Variants in HORMAD2 observed in about 807,000 individuals in gnomAD.
HORMAD2 encodes HORMA domain-containing protein 2.
In HORMAD2, 45 loss-of-function variants were observed where a neutral mutation model predicts 38.8. The ratio of observed to expected loss-of-function variants is 1.16; its 90% confidence interval spans 0.91 to 1.49. The LOEUF (loss-of-function observed/expected upper bound fraction) is 1.49. Among genes scored for constraint, HORMAD2 ranks in the 40% most tolerant of loss-of-function variants. HORMAD2 has a pLI of 0.00. For synonymous variants in HORMAD2, 126 were observed against 122.8 expected, an observed-to-expected ratio of 1.03 and a Z score of -0.17; for missense variants, 338 against 367.0, an observed-to-expected ratio of 0.92 and a Z score of 0.65.
intron 10 of HORMAD2, among the ~76,000 whole-genome samples, chr22:30,130,613 CAGGGTCTCA>C (rs1923214331): frequency 9.1e-6 from 1 of 110,250 alleles, no homozygotes; most frequent in African/African-American, 3.3e-5. Flanking sequence ...TTTTTTGAGA[CAGGGTCTCA>C]CTCTGTCACC....
At chr22:30,188,280 G>T in the HORMAD2 span, among the ~76,000 whole-genome samples, 1 of 152,056 alleles carries the variant, frequency 6.6e-6, no homozygotes, top group Non-Finnish European at 1.5e-5. Flanking sequence ...AAGGAAATTG[G>T]CTTGAAAAGA....
chr22:30,157,680 CA>C (rs1925167144), intron 10 of HORMAD2, among the ~76,000 whole-genome samples: 1 of 152,158 alleles, frequency 6.6e-6, no homozygotes, highest in Admixed American at 6.5e-5. Context: ...CAAGCATGTT[CA>C]AGCATATTTC....
intron 10 of HORMAD2, among the ~76,000 whole-genome samples, chr22:30,155,408 A>T (rs575709614): frequency 9.9e-5 from 15 of 152,206 alleles, no homozygotes; most frequent in Admixed American, 2.6e-4. Context: ...TTTGATGCTC[A>T]TATTCTCTAA....
chr22:30,118,112 C>A (rs1012755948), intron 7 of HORMAD2, among the ~76,000 whole-genome samples: 2 of 152,192 alleles, frequency 1.3e-5, no homozygotes, highest in African/African-American at 2.4e-5. Context: ...TTAAAAAATA[C>A]AAATCACTCA....
At chr22:30,129,152 A>G (rs1255630246) in intron 10 of HORMAD2, among the ~76,000 whole-genome samples, 1 of 139,532 alleles carries the variant, frequency 7.2e-6, no homozygotes, top group Non-Finnish European at 1.5e-5. Context: ...CGGGAGGTGG[A>G]GCTGGCAGTG....
At chr22:30,202,218 A>G in the HORMAD2 span, among the ~76,000 whole-genome samples, 2 of 152,218 alleles carry the variant, frequency 1.3e-5, no homozygotes, top group African/African-American at 4.8e-5. Context: ...TATGAAAGAT[A>G]CAGGCCTTGC....
upstream of HORMAD2, chr22:30,080,311 T>C (rs2068445844): frequency 6.6e-6 from 1 of 152,424 alleles, no homozygotes. Flanking sequence ...CTGCTTTGCA[T>C]ATTCATGAAG....
At chr22:30,177,333 A>T (rs753016347), downstream of HORMAD2, among the ~76,000 whole-genome samples, 1 of 152,226 alleles carries the variant, frequency 6.6e-6, no homozygotes, top group African/African-American at 2.4e-5. Flanking sequence ...GAATCTCTGT[A>T]GGAAAATCCC....
intron 7 of HORMAD2, among the ~76,000 whole-genome samples, chr22:30,113,069 G>T (rs560118450): frequency 6.6e-6 from 1 of 151,920 alleles, no homozygotes; most frequent in Non-Finnish European, 1.5e-5. Flanking sequence ...TAGGGAATCC[G>T]ACTCATCTTC....
chr22:30,195,050 G>A, the HORMAD2 span, among the ~76,000 whole-genome samples: 2 of 152,004 alleles, frequency 1.3e-5, no homozygotes, highest in East Asian at 1.9e-4. Flanking sequence ...AAAATTAGCC[G>A]GGCATGGTGG....
intron 10 of HORMAD2, among the ~76,000 whole-genome samples, chr22:30,139,116 C>G (rs1268509657): frequency 6.6e-6 from 1 of 151,770 alleles, no homozygotes; most frequent in Admixed American, 6.6e-5. Flanking sequence ...TGTTGGCCTT[C>G]AGACTGGAAC....
intron 10 of HORMAD2, among the ~76,000 whole-genome samples, chr22:30,146,220 C>T (rs1195307725): frequency 6.6e-6 from 1 of 152,184 alleles, no homozygotes; most frequent in Admixed American, 6.5e-5. Context: ...TGGCCAGGCG[C>T]AGTGGCTCAT....
intron 10 of HORMAD2, among the ~76,000 whole-genome samples, chr22:30,128,963 C>G (rs1923069518): frequency 6.6e-6 from 1 of 152,020 alleles, no homozygotes; most frequent in African/African-American, 2.4e-5. Flanking sequence ...GCCTGTAACC[C>G]CAGCACTTTG....
intron 10 of HORMAD2, among the ~76,000 whole-genome samples, chr22:30,164,134 T>C (rs1033605546): frequency 6.6e-6 from 1 of 152,234 alleles, no homozygotes; most frequent in South Asian, 2.1e-4. Context: ...AGAATATCTT[T>C]CCTTTTAAAG....
the HORMAD2 span, among the ~76,000 whole-genome samples, chr22:30,197,214 G>A: frequency 6.6e-6 from 1 of 151,966 alleles, no homozygotes; most frequent in Non-Finnish European, 1.5e-5. Context: ...TCTCTTTTCA[G>A]TTTCTTCATT....
Position 30,147,414 on chromosome 22 carries a change from T to C in HORMAD2, c.819+25200T>C, listed in dbSNP as rs546391982. ...TAGTACTGGAACAACTGGATAGTCATATGGAAAAAAAAATGAACCTCAATC... is the reference window on the plus strand; with the variant it reads ...TAGTACTGGAACAACTGGATAGTCACATGGAAAAAAAAATGAACCTCAATC... On this transcript the variant is annotated intron_variant, in intron 10 of 10. Transcript: ENST00000336726. 3.3e-5 allele frequency among the ~76,000 whole-genome samples: 5 copies of C among 149,594 alleles called. No homozygotes were observed. The South Asian group carries it at 1.0e-3, about 31-fold the overall frequency.
chr22:30,100,554 G>C (rs1569086079), intron 3 of HORMAD2, among the ~76,000 whole-genome samples: 1 of 152,118 alleles, frequency 6.6e-6, no homozygotes, highest in South Asian at 2.1e-4. Context: ...AGCACCAAAA[G>C]CAATTGCAAC....
At chr22:30,186,535 T>C in the HORMAD2 span, among the ~76,000 whole-genome samples, 1 of 152,224 alleles carries the variant, frequency 6.6e-6, no homozygotes. Flanking sequence ...TTTTAAACTG[T>C]GGGTTTGCTT....
chr22:30,167,294 T>C (rs1373774392), intron 10 of HORMAD2, among the ~76,000 whole-genome samples: 1 of 152,218 alleles, frequency 6.6e-6, no homozygotes, highest in African/African-American at 2.4e-5. Flanking sequence ...TCAAGATCCT[T>C]TATTACATCT....
Sources: allele counts gnomAD v4.1 joint callset (sites outside exome capture counted in the v4.1 genomes callset), GRCh38; gene constraint gnomAD v4.1.1; transcripts MANE v1.5; gene names NCBI Gene and HGNC (gene_info 2026-07-23, HGNC 2026-07-21).